Variants in SPAG16 observed in about 807,000 individuals in gnomAD.
The protein encoded by SPAG16 is sperm-associated antigen 16 protein.
In SPAG16, 86 loss-of-function variants were observed where a neutral mutation model predicts 80.4. The observed-to-expected ratio is 1.07, with a 90% confidence interval of 0.90 to 1.28. SPAG16 has a LOEUF of 1.28. Among genes scored for constraint, SPAG16 ranks in the 50% most tolerant of loss-of-function variants. SPAG16 has a pLI of 0.00. For synonymous variants in SPAG16, 294 were observed against 265.9 expected, an observed-to-expected ratio of 1.11 and a Z score of -1.03; for missense variants, 870 against 765.3, an observed-to-expected ratio of 1.14 and a Z score of -1.61.
At position 213,359,017 on chromosome 2, in the gene SPAG16, G is replaced by A. The variant is rs1489079622; in HGVS notation, c.763-5059G>A. ...TTCCTTCTAACAGTCAGGCCCCTTAGCTGCAGGTCTGTTGGGGTTTGCTGG... is the reference window on the plus strand; with the variant it reads ...TTCCTTCTAACAGTCAGGCCCCTTAACTGCAGGTCTGTTGGGGTTTGCTGG... On this transcript the variant is annotated intron_variant, in intron 7 of 15. Transcript: ENST00000331683. 3.9e-5 allele frequency among the ~76,000 whole-genome samples: 6 copies of A among 152,164 alleles called. No homozygotes were observed. In the East Asian group the frequency reaches 1.2e-3, roughly 29 times the overall value.
At chr2:213,660,874 C>T (rs1472830752) in intron 10 of SPAG16, among the ~76,000 whole-genome samples, 3 of 152,214 alleles carry the variant, frequency 2.0e-5, no homozygotes, top group Non-Finnish European at 4.4e-5. Flanking sequence ...TTTCAACCCC[C>T]ACATCTTCAC....
intron 14 of SPAG16, among the ~76,000 whole-genome samples, chr2:214,125,903 A>G (rs1173681940): frequency 6.6e-6 from 1 of 151,656 alleles, no homozygotes; most frequent in Non-Finnish European, 1.5e-5. Flanking sequence ...AGAATGGACA[A>G]TCACGTAGAA....
At chr2:213,786,006 TA>T (rs769518490) in intron 10 of SPAG16, among the ~76,000 whole-genome samples, 447 of 140,250 alleles carry the variant, frequency 3.2e-3, no homozygotes, top group Middle Eastern at 3.6e-3. Flanking sequence ...AAACTCCGTC[TA>T]AAAAAAAAAA....
chr2:213,548,723 C>G (rs779702132), intron 10 of SPAG16, among the ~76,000 whole-genome samples: 6 of 151,800 alleles, frequency 4.0e-5, no homozygotes, highest in Admixed American at 2.0e-4. Context: ...TCTATGAGCC[C>G]TTTTTTGTAT....
At chr2:214,067,165 G>A (rs2050569947) in intron 13 of SPAG16, among the ~76,000 whole-genome samples, 1 of 152,138 alleles carries the variant, frequency 6.6e-6, no homozygotes, top group Non-Finnish European at 1.5e-5. Context: ...AGTGAAGAGG[G>A]AGGGAGAGCA....
chr2:213,422,527 G>C (rs2069661131), intron 9 of SPAG16: 1 of 480,928 alleles, frequency 2.1e-6, no homozygotes. Flanking sequence ...CTACCAGGCC[G>C]AGTGGGCAGA....
At chr2:213,822,943 A>G (rs962328919) in intron 10 of SPAG16, among the ~76,000 whole-genome samples, 29 of 152,192 alleles carry the variant, frequency 1.9e-4, no homozygotes, top group African/African-American at 6.5e-4. Context: ...TCCATGGTGT[A>G]TAAGTATCAC....
chr2:214,130,031 C>A (rs1423509881), intron 14 of SPAG16, among the ~76,000 whole-genome samples: 2 of 152,128 alleles, frequency 1.3e-5, no homozygotes, highest in African/African-American at 4.8e-5. Context: ...TACAAGTGAG[C>A]GTGCCTTCCA....
At chr2:214,204,576 A>G (rs2058091795) in intron 15 of SPAG16, among the ~76,000 whole-genome samples, 1 of 152,188 alleles carries the variant, frequency 6.6e-6, no homozygotes, top group Admixed American at 6.5e-5. Flanking sequence ...CAGAAGATAA[A>G]TAACAATCAC....
chr2:214,346,543 C>T (rs963430063), intron 15 of SPAG16, among the ~76,000 whole-genome samples: 12 of 152,030 alleles, frequency 7.9e-5, no homozygotes, highest in African/African-American at 2.7e-4. Flanking sequence ...GTCTATGTCC[C>T]CTCCTCTTGA....
At chr2:213,681,320 C>T (rs2064366829) in intron 10 of SPAG16, among the ~76,000 whole-genome samples, 1 of 152,154 alleles carries the variant, frequency 6.6e-6, no homozygotes, top group South Asian at 2.1e-4. Context: ...CAAATAAAAT[C>T]CATCTAATGC....
intron 10 of SPAG16, among the ~76,000 whole-genome samples, chr2:213,612,932 C>G (rs1020368096): frequency 6.6e-6 from 1 of 152,188 alleles, no homozygotes; most frequent in Non-Finnish European, 1.5e-5. Flanking sequence ...CTTGACCTCC[C>G]AAAGTGCTGG....
At chr2:213,702,018 T>G (rs1412834040) in intron 10 of SPAG16, among the ~76,000 whole-genome samples, 1 of 152,124 alleles carries the variant, frequency 6.6e-6, no homozygotes, top group African/African-American at 2.4e-5. Flanking sequence ...AGCTGAAGGT[T>G]TGTAAACTCA....
At chr2:213,396,726 G>A (rs2068054596) in intron 9 of SPAG16, 3 of 443,934 alleles carry the variant, frequency 6.8e-6, no homozygotes, top group South Asian at 3.2e-5. Context: ...GTCAGCAGGA[G>A]CCAAATGGGA....
At chr2:213,806,265 C>G (rs2125653519) in intron 10 of SPAG16, among the ~76,000 whole-genome samples, 1 of 152,232 alleles carries the variant, frequency 6.6e-6, no homozygotes, top group African/African-American at 2.4e-5. Flanking sequence ...TTAGTGAGGC[C>G]TGGTTTACAG....
chr2:213,875,935 T>G (rs1297787869), intron 11 of SPAG16, among the ~76,000 whole-genome samples: 1 of 140,000 alleles, frequency 7.1e-6, no homozygotes, highest in South Asian at 2.8e-4. Context: ...AACATTATTT[T>G]GAAACATTTG....
intron 9 of SPAG16, among the ~76,000 whole-genome samples, chr2:213,449,745 G>A (rs961167742): frequency 5.3e-5 from 8 of 152,244 alleles, no homozygotes; most frequent in Middle Eastern, 3.4e-3. Context: ...GCAATGCACA[G>A]TTTACTCATG....
At chr2:213,855,485 C>T (rs2075111035) in intron 10 of SPAG16, among the ~76,000 whole-genome samples, 1 of 152,202 alleles carries the variant, frequency 6.6e-6, no homozygotes, top group Admixed American at 6.5e-5. Flanking sequence ...AGGAATATCT[C>T]ATTTTATCGC....
intron 11 of SPAG16, among the ~76,000 whole-genome samples, chr2:213,922,897 A>G (rs2078289957): frequency 2.0e-5 from 3 of 152,152 alleles, no homozygotes; most frequent in Non-Finnish European, 4.4e-5. Context: ...TTGACAGACA[A>G]GCTGTATTCT....
Sources: gnomAD v4.1 joint callset for allele counts (sites outside exome capture counted in the v4.1 genomes callset) on GRCh38, gnomAD v4.1.1 for gene constraint, MANE v1.5 for transcripts, NCBI Gene and HGNC (gene_info 2026-07-23, HGNC 2026-07-21) for gene names.